Variants in ATR observed in about 807,000 individuals in gnomAD.
The protein encoded by ATR is serine/threonine-protein kinase ATR.
Under a neutral mutation model 305.3 loss-of-function variants are expected in ATR, and 142 were observed. The observed-to-expected ratio is 0.47, with a 90% CI of 0.41 to 0.53. The LOEUF (loss-of-function observed/expected upper bound fraction) is 0.53. Among genes scored for constraint, ATR ranks in the 20% least tolerant of loss-of-function variants. The pLI is 0.00. For synonymous variants in ATR, 1,050 were observed against 1,068.1 expected, an observed-to-expected ratio of 0.98 and a Z score of 0.33; for missense variants, 2,135 against 3,133.1, an observed-to-expected ratio of 0.68 and a Z score of 7.60.
chr3:142,571,956 G>A (rs1389807607), intron 1 of ATR, among the ~76,000 whole-genome samples: 3 of 151,860 alleles, frequency 2.0e-5, no homozygotes, highest in Non-Finnish European at 4.4e-5. Context: ...TAGTAGAGAC[G>A]GGGTTTCACC....
chr3:142,519,923 G>A (rs1196778992), intron 23 of ATR, 139 bp from the exon 24 acceptor site: 8 of 711,586 alleles, frequency 1.1e-5, no homozygotes, highest in African/African-American at 3.6e-5. Flanking sequence ...ATGCTTCATG[G>A]ATGCTGTTTT....
In ATR at chr3:142,550,290, A is replaced by G; in HGVS notation, c.2818T>C (p.Ser940Pro). Residue 940 changes from serine (S) to proline (P), a missense_variant, in exon 14 of 47, where the codon TCC becomes CCC. Ser to Pro is a moderately conservative substitution (Grantham distance 74). Transcript: ENST00000350721. The part of the protein sequence containing the change: ...KKPICQFLVE[S>P]LHSSQMTALP... ...GCTGTCATCTGACTAGAGTGAAGGG[A>G]TTCTACCAAAAACTAGAGCAAAAAC... 1.2e-6 allele frequency: 2 copies of G among 1,614,154 alleles called. No homozygotes were observed. The highest frequency in any genetic ancestry group is 1.7e-6 in the Non-Finnish European group (2 of 1,179,992).
intron 13 of ATR, among the ~76,000 whole-genome samples, chr3:142,550,900 G>A (rs2034447896): frequency 6.6e-6 from 1 of 151,902 alleles, no homozygotes; most frequent in African/African-American, 2.4e-5. Context: ...CGATTCTTCT[G>A]CCTCAGCCTC....
intron 34 of ATR, among the ~76,000 whole-genome samples, chr3:142,494,164 G>A (rs1398756144): frequency 1.3e-5 from 2 of 152,098 alleles, no homozygotes; most frequent in African/African-American, 4.8e-5. Context: ...GGTATTATAA[G>A]TAGCCTAGAG....
chr3:142,567,089 A>G (rs184533718), intron 2 of ATR, among the ~76,000 whole-genome samples: 9 of 152,338 alleles, frequency 5.9e-5, no homozygotes, highest in Admixed American at 5.9e-4. Flanking sequence ...AATCACATGC[A>G]TTCCTCTACC....
chr3:142,547,265 T>C (rs1416262256), intron 16 of ATR, among the ~76,000 whole-genome samples: 1 of 152,208 alleles, frequency 6.6e-6, no homozygotes, highest in Non-Finnish European at 1.5e-5. Context: ...AAACTACAGT[T>C]AGAATTGAAA....
At chr3:142,462,791 A>G (rs900012682) in intron 41 of ATR, among the ~76,000 whole-genome samples, 4 of 152,212 alleles carry the variant, frequency 2.6e-5, no homozygotes, top group African/African-American at 9.6e-5. Flanking sequence ...TCTAAAATAC[A>G]TAAACAAAAG....
In ATR at chr3:142,573,516, A is replaced by G. The variant is rs541912936; in HGVS notation, c.59+5130T>C. Among the ~76,000 whole-genome samples the G allele has an allele frequency of 5.0e-5, 7 of 140,690 alleles. No homozygotes were observed. In the South Asian group the frequency reaches 1.5e-3, roughly 29 times the overall value. 92.3% of individuals were successfully genotyped at this position (140,690 alleles called of 152,430 possible). Reference sequence around the variant, plus strand: ...ACTAAATAAAGTCCTTAAAAAAAAAAAAGAATCAAAGAACAAGTAGTTACA... The same window carrying G: ...ACTAAATAAAGTCCTTAAAAAAAAAGAAGAATCAAAGAACAAGTAGTTACA... On this transcript the variant is annotated intron_variant, in intron 1 of 46. Transcript: ENST00000350721.
At chr3:142,513,855 A>G (rs1354907859) in intron 25 of ATR, among the ~76,000 whole-genome samples, 1 of 152,164 alleles carries the variant, frequency 6.6e-6, no homozygotes, top group Non-Finnish European at 1.5e-5. Flanking sequence ...AAAATTTTAA[A>G]GAGATTTTTT....
rs754728006 is a variant in ATR, at chr3:142,563,018, A to G, written c.384T>C (p.Cys128=). The change falls in exon 4 of 47, where the codon TGT becomes TGC. Residue 128 remains cysteine, a synonymous_variant. Coordinates refer to ENST00000350721, the MANE Select transcript of ATR (RefSeq NM_001184.4). ...LLHKKICEVI[C]SLLFLFKSKS... ...TGCTTTTAAAAAGAAATAATAATGA[A>G]CAGATGACTTCACAGATTTTCTTGT... 1.2e-6 allele frequency: 2 copies of G among 1,600,164 alleles called. No homozygotes were observed. Among genetic ancestry groups the G allele is most frequent in the Non-Finnish European group, 1.7e-6 (2 of 1,175,830 alleles).
intron 25 of ATR, among the ~76,000 whole-genome samples, chr3:142,514,233 C>T (rs992957477): frequency 6.7e-6 from 1 of 150,280 alleles, no homozygotes; most frequent in Non-Finnish European, 1.5e-5. Flanking sequence ...AGACTGCACT[C>T]CAGCCTGAGT....
chr3:142,553,137 C>A (rs557764811), intron 13 of ATR, 90 bp downstream of exon 13: 3 of 1,470,022 alleles, frequency 2.0e-6, no homozygotes, highest in African/African-American at 2.9e-5. Context: ...GAAAAGCAAG[C>A]AAAATAAAAC....
In ATR at chr3:142,462,055, T is replaced by C. The variant is rs1209398147; in HGVS notation, c.7077A>G (p.Glu2359=). 1.2e-5 allele frequency: 20 copies of C among 1,613,112 alleles called. No individual in the cohort carries two copies. Among genetic ancestry groups the C allele is most frequent in the Non-Finnish European group, 1.6e-5 (19 of 1,179,536 alleles). Residue 2359 remains glutamate (E), a synonymous_variant, in exon 42 of 47, where the codon GAA becomes GAG. Coordinates refer to ENST00000350721, the MANE Select transcript of ATR (RefSeq NM_001184.4). Reference sequence around the variant, plus strand: ...TAACTGCATATGTTCGAATATGAAGTTCTCTTCTACGAGACTCTGCATCTT... The same window carrying C: ...TAACTGCATATGTTCGAATATGAAGCTCTCTTCTACGAGACTCTGCATCTT... ...LRKDAESRRR[E]LHIRTYAVIP...
intron 43 of ATR, 27 bp from the exon 44 acceptor site, chr3:142,459,138 T>C: frequency 3.7e-6 from 6 of 1,613,638 alleles, no homozygotes; most frequent in Non-Finnish European, 5.1e-6. Flanking sequence ...GCCTATGAAA[T>C]ATCCATATAC....
rs139001258 is a variant in ATR, at chr3:142,480,138, G to T, written c.6221+5002C>A. Among the ~76,000 whole-genome samples the T allele has an allele frequency of 2.9e-3, 435 of 152,302 alleles. 6 individuals are homozygous for T. Among genetic ancestry groups the T allele is most frequent in the East Asian group, 0.018 (91 of 5,186 alleles). Reference sequence around the variant, plus strand: ...TGTTCCGTTGCTGGTGAGGAGCTGCGTTCCTTTGGAGGAGGAGAGGCCCTC... The same window carrying T: ...TGTTCCGTTGCTGGTGAGGAGCTGCTTTCCTTTGGAGGAGGAGAGGCCCTC... On this transcript the variant is annotated intron_variant, in intron 36 of 46. Transcript: ENST00000350721.
intron 27 of ATR, among the ~76,000 whole-genome samples, chr3:142,511,453 G>A (rs1156919539): frequency 6.6e-6 from 1 of 151,230 alleles, no homozygotes; most frequent in African/African-American, 2.4e-5. Flanking sequence ...GCCAGGAGTT[G>A]GAGACCAGCC....
At chr3:142,568,237 C>G (rs1412927129) in intron 1 of ATR, 83 bp from the exon 2 acceptor site, 2 of 987,964 alleles carry the variant, frequency 2.0e-6, no homozygotes, top group East Asian at 5.1e-5. Context: ...TAGAACTCAT[C>G]AAATGTGTTC....
At chr3:142,491,808 A>T (rs1054448601) in intron 35 of ATR, among the ~76,000 whole-genome samples, 5 of 152,138 alleles carry the variant, frequency 3.3e-5, no homozygotes, top group Admixed American at 6.5e-5. Flanking sequence ...GGTCCCATTT[A>T]GGTCTTTCTT....
At chr3:142,514,807 C>CAAA (rs56770183) in intron 25 of ATR, among the ~76,000 whole-genome samples, 149 of 99,786 alleles carry the variant, frequency 1.5e-3, no homozygotes, top group African/African-American at 2.7e-3. Context: ...GACTCCGTCA[C>CAAA]AAAAAAAAAA....
Sources: gnomAD v4.1 joint callset for allele counts (sites outside exome capture counted in the v4.1 genomes callset) on GRCh38, gnomAD v4.1.1 for gene constraint, MANE v1.5 for transcripts, NCBI Gene and HGNC (gene_info 2026-07-23, HGNC 2026-07-21) for gene names.